The following CFAP77 variants were observed in gnomAD, a reference collection of about 807,000 sequenced individuals.
The protein encoded by CFAP77 is cilia- and flagella-associated protein 77.
In CFAP77, 25 loss-of-function variants were observed where a neutral mutation model predicts 31.1. The observed-to-expected ratio is 0.80, with a 90% CI of 0.59 to 1.12. The LOEUF (loss-of-function observed/expected upper bound fraction) is 1.12, where lower values mean the gene tolerates loss of function less well. Among genes scored for constraint, CFAP77 ranks in the 50% most tolerant of loss-of-function variants. CFAP77 has a pLI of 0.00. For missense variants in CFAP77, 377 were observed against 397.3 expected (o/e 0.95, Z 0.44); for synonymous variants, 151 against 159.9 (o/e 0.94, Z 0.42).
intron 1 of CFAP77, among the ~76,000 whole-genome samples, chr9:132,445,250 A>T (rs900732503): frequency 2.0e-5 from 3 of 152,184 alleles, no homozygotes; most frequent in African/African-American, 7.2e-5. Flanking sequence ...CTGGGATTGC[A>T]GGTGTGAGCC....
rs935885586 is a variant in CFAP77, at chr9:132,501,699, G to A, written c.524+2099G>A. On this transcript the variant is annotated intron_variant, in intron 3 of 5. Transcript: ENST00000393216. This position sits in a 1 kb window ranked among gnomAD's most constrained non-coding sequence, Gnocchi z 4.6. ...ATGACAGGTGTGAGCCACTGCGCCC[G>A]GTTACATGACTATCTTCTACTCAGC... Among the ~76,000 whole-genome samples, 7 of 152,226 alleles carry A rather than the reference G, an allele frequency of 4.6e-5. No individual in the cohort carries two copies. The highest frequency in any genetic ancestry group is 7.3e-5 in the Non-Finnish European group (5 of 68,050).
At chr9:132,411,879 AC>A (rs1850010484) in intron 1 of CFAP77, among the ~76,000 whole-genome samples, 1 of 152,118 alleles carries the variant, frequency 6.6e-6, no homozygotes, top group African/African-American at 2.4e-5. Flanking sequence ...ACACACACAC[AC>A]ACACACACAC....
chr9:132,433,755 C>T (rs957020603), intron 1 of CFAP77, among the ~76,000 whole-genome samples: 9 of 151,744 alleles, frequency 5.9e-5, no homozygotes, highest in Non-Finnish European at 1.2e-4. Flanking sequence ...ACCATGTCGG[C>T]CAGGCTGGTC....
chr9:132,451,270 G>A (rs548426355), intron 1 of CFAP77, among the ~76,000 whole-genome samples: 11 of 151,706 alleles, frequency 7.3e-5, no homozygotes, highest in South Asian at 2.1e-4. Context: ...CCTGGGAGGC[G>A]GAGGTTGCAG....
chr9:132,513,473 G>C (rs1852077465), intron 3 of CFAP77: 2 of 1,250,858 alleles, frequency 1.6e-6, no homozygotes, highest in Non-Finnish European at 2.1e-6. Context: ...ACCCTCCCGA[G>C]GTTGGAGCAC....
At chr9:132,560,715 G>A (rs752384630) in intron 5 of CFAP77, among the ~76,000 whole-genome samples, 2 of 152,112 alleles carry the variant, frequency 1.3e-5, no homozygotes, top group Non-Finnish European at 2.9e-5. Flanking sequence ...GGCCGGTGTC[G>A]TATCCTTCCT....
intron 1 of CFAP77, among the ~76,000 whole-genome samples, chr9:132,467,405 T>A (rs570817): frequency 1.1e-4 from 17 of 151,878 alleles, no homozygotes; most frequent in Admixed American, 5.9e-4. Context: ...CTGTCTCTGC[T>A]AATTTGACTG....
Position 132,495,075 on chromosome 9 carries a change from T to G in CFAP77, c.196-3620T>G, listed in dbSNP as rs1327725699. 6.6e-6 allele frequency among the ~76,000 whole-genome samples: 1 copy of G among 152,210 alleles called. No homozygotes were observed. Among genetic ancestry groups the G allele is most frequent in the Non-Finnish European group, 1.5e-5 (1 of 68,036 alleles). On this transcript the variant is annotated intron_variant, in intron 1 of 5. Coordinates refer to ENST00000393216, the MANE Select transcript of CFAP77 (RefSeq NM_001282957.2). The surrounding 1 kb of genome is among the most constrained non-coding windows in gnomAD (Gnocchi z 4.2). ...ACAGTGAATTTCATAAGAGCAGGGCTGTGTGTCTGATCTGTTCACCCTAGA... is the reference window on the plus strand; with the variant it reads ...ACAGTGAATTTCATAAGAGCAGGGCGGTGTGTCTGATCTGTTCACCCTAGA...
At chr9:132,447,180 C>T (rs897838624) in intron 1 of CFAP77, among the ~76,000 whole-genome samples, 2 of 152,206 alleles carry the variant, frequency 1.3e-5, no homozygotes, top group East Asian at 3.8e-4. Context: ...AGATTCTACA[C>T]TCTGCCACTG....
chr9:132,556,155 G>A (rs781018693), intron 5 of CFAP77, among the ~76,000 whole-genome samples: 1 of 152,186 alleles, frequency 6.6e-6, no homozygotes, highest in Non-Finnish European at 1.5e-5. Flanking sequence ...GAACCCTGAT[G>A]AGACACTACC....
chr9:132,531,953 AAG>A (rs1852460910), intron 3 of CFAP77, among the ~76,000 whole-genome samples: 1 of 152,158 alleles, frequency 6.6e-6, no homozygotes, highest in Non-Finnish European at 1.5e-5. Context: ...GACTGCTGAG[AAG>A]AGAGCTTTTC....
intron 1 of CFAP77, among the ~76,000 whole-genome samples, chr9:132,444,974 CTTTTTTTT>C (rs564127221): frequency 2.2e-5 from 3 of 133,758 alleles, no homozygotes; most frequent in Admixed American, 7.8e-5. Flanking sequence ...TTCTTTCTTT[CTTTTTTTT>C]TTTTTTTTTT....
rs773850526 is a variant in CFAP77 at position 132,410,263 on chromosome 9, A to T, written c.-9A>T. On this transcript the variant is annotated 5_prime_UTR_variant, in exon 1 of 6. Coordinates refer to ENST00000393216, the MANE Select transcript of CFAP77 (RefSeq NM_001282957.2). Reference sequence around the variant, plus strand: ...CAGCCCGCGGGCCGGCTCCCCGGCGACCTCAAGGATGCCAGAGGCCAGGAG... The same window carrying T: ...CAGCCCGCGGGCCGGCTCCCCGGCGTCCTCAAGGATGCCAGAGGCCAGGAG... 1 of 1,538,964 alleles carries T rather than the reference A, an allele frequency of 6.5e-7. No homozygotes were observed. The highest frequency in any genetic ancestry group is 2.6e-5 in the East Asian group (1 of 38,172).
At chr9:132,503,480 C>T (rs993359200) in intron 3 of CFAP77, among the ~76,000 whole-genome samples, 3 of 152,196 alleles carry the variant, frequency 2.0e-5, no homozygotes, top group African/African-American at 7.2e-5. Context: ...CACATTCCCC[C>T]CAGGGCTTCT....
At chr9:132,558,621 C>T (rs1852941433) in intron 5 of CFAP77, among the ~76,000 whole-genome samples, 1 of 152,104 alleles carries the variant, frequency 6.6e-6, no homozygotes, top group Non-Finnish European at 1.5e-5. Context: ...AGGAGAATCA[C>T]TTGAATCCAG....
chr9:132,494,509 T>C (rs1249243599), intron 1 of CFAP77, among the ~76,000 whole-genome samples: 1 of 152,238 alleles, frequency 6.6e-6, no homozygotes, highest in Non-Finnish European at 1.5e-5. Flanking sequence ...TTGGGTTGTT[T>C]CTAGCAGTTG....
chr9:132,530,136 C>CTTT lies in CFAP77; in HGVS notation c.525-7446_525-7444dup, dbSNP rs750962954. On this transcript the variant is annotated intron_variant, in intron 3 of 5. Transcript: ENST00000393216. ...TTTGCCTCTTTTCTTTCTTTCTTTT[C>CTTT]TTTTTTTTTTTTTTTTTTTTTGGTT... 2.4e-3 allele frequency among the ~76,000 whole-genome samples: 221 copies of CTTT among 93,232 alleles called. 2 individuals are homozygous for CTTT. The highest frequency in any genetic ancestry group is 7.5e-3 in the African/African-American group (178 of 23,732). 61.2% of individuals were successfully genotyped at this position (93,232 alleles called of 152,430 possible).
At chr9:132,441,522 C>T (rs376736262) in intron 1 of CFAP77, among the ~76,000 whole-genome samples, 3 of 152,178 alleles carry the variant, frequency 2.0e-5, no homozygotes, top group African/African-American at 4.8e-5. Context: ...ACACCCTCCC[C>T]GCTCCCCGCC....
intron 3 of CFAP77, among the ~76,000 whole-genome samples, chr9:132,510,221 G>A (rs547580532): frequency 5.9e-5 from 9 of 152,204 alleles, no homozygotes; most frequent in South Asian, 2.1e-4. Flanking sequence ...GGTTCCCCTC[G>A]GAGCCTCCCA....
Sources: gnomAD v4.1 joint callset for allele counts (sites outside exome capture counted in the v4.1 genomes callset) on GRCh38, gnomAD v4.1.1 for gene constraint, Gnocchi (gnomAD v3.1) non-coding constraint, MANE v1.5 for transcripts, NCBI Gene and HGNC (gene_info 2026-07-23, HGNC 2026-07-21) for gene names.